The following MALRD1 variants were observed in gnomAD, a reference collection of about 807,000 sequenced individuals.
The protein encoded by MALRD1 is MAM and LDL receptor class A domain containing 1.
A neutral mutation model predicts 242.1 loss-of-function variants in MALRD1; 247 were observed. The ratio of observed to expected loss-of-function variants is 1.02; its 90% CI spans 0.92 to 1.13. MALRD1 has a LOEUF of 1.13. MALRD1 is among the 50% of genes most tolerant of loss of function. The probability of loss-of-function intolerance (pLI) is 0.00; values close to 1 mark genes in which losing one functional copy is unlikely to be tolerated. For missense variants in MALRD1, 2,989 were observed against 2,533.1 expected (o/e 1.18, Z -3.86); for synonymous variants, 995 against 866.6 (o/e 1.15, Z -2.60).
At chr10:19,714,574 G>A (rs932790326) in intron 38 of MALRD1, among the ~76,000 whole-genome samples, 1 of 152,084 alleles carries the variant, frequency 6.6e-6, no homozygotes, top group East Asian at 1.9e-4. Flanking sequence ...CCTCACCTAC[G>A]TCCGTGGGCA....
rs1376389533 is a variant in MALRD1 at position 19,347,736 on chromosome 10, A to G, written c.3902-35A>G. 2.6e-6 allele frequency: 4 copies of G among 1,544,986 alleles called. No individual in the cohort carries two copies. The South Asian group carries it at 4.8e-5, about 19-fold the overall frequency. Reference sequence around the variant, plus strand: ...CATGTTTTAAAGTAGGCAAATTTCCATTTTCTGTAACATATATTTGGAAAT... The same window carrying G: ...CATGTTTTAAAGTAGGCAAATTTCCGTTTTCTGTAACATATATTTGGAAAT... On this transcript the variant is annotated intron_variant, in intron 24 of 39. Transcript: ENST00000454679.
chr10:19,324,586 ACT>A (rs1843037741), intron 22 of MALRD1, among the ~76,000 whole-genome samples: 1 of 134,996 alleles, frequency 7.4e-6, no homozygotes. Flanking sequence ...TATACACTTC[ACT>A]CAGAGATCTT....
At position 19,623,769 on chromosome 10, in the gene MALRD1, C is replaced by T. The variant is rs183859805; in HGVS notation, c.6137+7846C>T. ...GGGCTCTCAGTAGGTTGCATGAAGC[C>T]TCCCCTCATTAGTGAAGGTGAATCT... On this transcript the variant is annotated intron_variant, in intron 36 of 39. Coordinates refer to ENST00000454679, the MANE Select transcript of MALRD1 (RefSeq NM_001142308.3). 1.4e-4 allele frequency among the ~76,000 whole-genome samples: 22 copies of T among 152,186 alleles called. 2 individuals carry two copies. The Middle Eastern group carries it at 0.014, about 94-fold the overall frequency.
At chr10:19,074,533 A>G (rs1354730034) in intron 2 of MALRD1, among the ~76,000 whole-genome samples, 10 of 151,950 alleles carry the variant, frequency 6.6e-5, no homozygotes. Flanking sequence ...TATTTGTTCT[A>G]TTTTTCCATT....
chr10:19,593,930 A>G (rs1837946870), intron 33 of MALRD1, among the ~76,000 whole-genome samples: 1 of 152,214 alleles, frequency 6.6e-6, no homozygotes, highest in Non-Finnish European at 1.5e-5. Context: ...GATTTTATCT[A>G]GCTTTGGATA....
At chr10:19,499,169 A>T (rs1837854496) in intron 31 of MALRD1, among the ~76,000 whole-genome samples, 1 of 152,190 alleles carries the variant, frequency 6.6e-6, no homozygotes, top group South Asian at 2.1e-4. Context: ...ATTTCAGATT[A>T]TGCAATCTTT....
Position 19,466,826 on chromosome 10 carries a change from T to C in MALRD1, c.5029+16336T>C, listed in dbSNP as rs571914820. ...ATCTATGCACATAGCCTGAAGGTAATTTTATACAATATTTTAAATAATATA... is the reference window on the plus strand; with the variant it reads ...ATCTATGCACATAGCCTGAAGGTAACTTTATACAATATTTTAAATAATATA... On this transcript the variant is annotated intron_variant, in intron 29 of 39. Coordinates refer to ENST00000454679, the MANE Select transcript of MALRD1 (RefSeq NM_001142308.3). Among the ~76,000 whole-genome samples, 10 of 152,214 alleles carry C rather than the reference T, an allele frequency of 6.6e-5. No individual in the cohort carries two copies. In the South Asian group the frequency reaches 2.1e-3, roughly 32 times the overall value.
chr10:19,726,553 G>A (rs568581086), intron 38 of MALRD1, among the ~76,000 whole-genome samples: 7 of 152,220 alleles, frequency 4.6e-5, no homozygotes, highest in South Asian at 2.1e-4. Context: ...TTCCTCAAAA[G>A]TTAAAAAAGA....
intron 36 of MALRD1, among the ~76,000 whole-genome samples, chr10:19,631,011 G>C (rs1216483782): frequency 3.9e-5 from 6 of 152,268 alleles, no homozygotes; most frequent in African/African-American, 1.4e-4. Flanking sequence ...TTTTATTTTA[G>C]ATTCAGAGGT....
intron 18 of MALRD1, among the ~76,000 whole-genome samples, chr10:19,254,698 CTTAT>C (rs1310436417): frequency 2.6e-5 from 4 of 151,432 alleles, no homozygotes; most frequent in East Asian, 1.9e-4. Context: ...GACAGAAATT[CTTAT>C]TTAAAGTTTA....
intron 26 of MALRD1, among the ~76,000 whole-genome samples, chr10:19,368,310 GC>G (rs2094481934): frequency 1.3e-5 from 2 of 151,950 alleles, no homozygotes; most frequent in African/African-American, 2.4e-5. Flanking sequence ...AGAGGCGGGG[GC>G]CTAGTTTCCT....
chr10:19,610,280 C>A (rs183638722), intron 35 of MALRD1, among the ~76,000 whole-genome samples: 151 of 151,952 alleles, frequency 9.9e-4, no homozygotes, highest in African/African-American at 3.4e-3. Context: ...TCTTAATATT[C>A]ACCCATTACC....
intron 33 of MALRD1, among the ~76,000 whole-genome samples, chr10:19,584,771 G>T (rs539246502): frequency 6.6e-6 from 1 of 152,156 alleles, no homozygotes; most frequent in South Asian, 2.1e-4. Flanking sequence ...TTCAATTCCT[G>T]GGTATTGTTG....
At chr10:19,456,056 A>G (rs1589108267) in intron 29 of MALRD1, among the ~76,000 whole-genome samples, 1 of 152,296 alleles carries the variant, frequency 6.6e-6, no homozygotes, top group South Asian at 2.1e-4. Flanking sequence ...CTGAATATCT[A>G]GAAAATTCAA....
chr10:19,439,408 G>A (rs186171320), intron 28 of MALRD1, among the ~76,000 whole-genome samples: 11 of 151,902 alleles, frequency 7.2e-5, no homozygotes, highest in Non-Finnish European at 1.0e-4. Context: ...TTGTAGTGGC[G>A]CATCCCTGCA....
intron 24 of MALRD1, among the ~76,000 whole-genome samples, chr10:19,343,643 T>G (rs552048162): frequency 6.6e-6 from 1 of 152,108 alleles, no homozygotes; most frequent in South Asian, 2.1e-4. Flanking sequence ...CTCAGCATCA[T>G]CCTCTTGAGA....
chr10:19,493,358 G>A (rs1837572248), intron 30 of MALRD1: 1 of 151,980 alleles, frequency 6.6e-6, no homozygotes, highest in South Asian at 2.1e-4. Context: ...TTTTTAAAAA[G>A]TCAAAACAAT....
chr10:19,368,883 G>A (rs1345943048), intron 26 of MALRD1, among the ~76,000 whole-genome samples: 2 of 139,770 alleles, frequency 1.4e-5, no homozygotes, highest in Non-Finnish European at 3.1e-5. Context: ...GTGTGTGTGT[G>A]TGTGTGTTTG....
intron 19 of MALRD1, among the ~76,000 whole-genome samples, chr10:19,261,073 G>C (rs1479566008): frequency 1.3e-5 from 2 of 152,110 alleles, no homozygotes; most frequent in African/African-American, 2.4e-5. Context: ...TGTGACCTCA[G>C]AGTCAGAAGA....
Sources: allele counts gnomAD v4.1 joint callset (sites outside exome capture counted in the v4.1 genomes callset), GRCh38; gene constraint gnomAD v4.1.1; transcripts MANE v1.5; gene names NCBI Gene and HGNC (gene_info 2026-07-23, HGNC 2026-07-21).